Variants in ERC2 observed in about 807,000 individuals in gnomAD.
The protein encoded by ERC2 is ELKS/RAB6-interacting/CAST family member 2, also known as ERC protein 2.
Under a neutral mutation model 114.8 loss-of-function variants are expected in ERC2, and 42 were observed. That is an observed-to-expected ratio of 0.37 (90% CI 0.29 to 0.47). The LOEUF is 0.47. Among genes scored for constraint, ERC2 ranks in the 20% least tolerant of loss-of-function variants. The pLI, the probability that ERC2 is intolerant of heterozygous loss-of-function variation, is 0.99. For missense variants in ERC2, 939 were observed against 1,150.7 expected (o/e 0.82, Z 2.66); for synonymous variants, 454 against 425.5 (o/e 1.07, Z -0.82).
chr3:56,385,597 T>C (rs1431622975), intron 2 of ERC2, among the ~76,000 whole-genome samples: 1 of 152,176 alleles, frequency 6.6e-6, no homozygotes, highest in Non-Finnish European at 1.5e-5. Context: ...GCACAATCAT[T>C]TATGTAATAT....
chr3:56,342,314 T>C (rs11130515), intron 2 of ERC2, among the ~76,000 whole-genome samples: 37,679 of 152,226 alleles, frequency 0.25, 5,006 homozygotes, highest in Admixed American at 0.29. Flanking sequence ...CAAAAACACG[T>C]AACACTTCAT....
At chr3:56,122,320 C>T (rs1489570065) in intron 6 of ERC2, among the ~76,000 whole-genome samples, 6 of 152,122 alleles carry the variant, frequency 3.9e-5, no homozygotes, top group Admixed American at 6.6e-5. Context: ...CCCACACTTA[C>T]ATACAGCATT....
chr3:55,666,058 C>T (rs1422666833), intron 17 of ERC2, among the ~76,000 whole-genome samples: 2 of 152,118 alleles, frequency 1.3e-5, no homozygotes, highest in African/African-American at 4.8e-5. Context: ...TCATGTAGAA[C>T]CTGTAAGGGG....
At chr3:56,466,487 C>T (rs2107599313) in intron 1 of ERC2, among the ~76,000 whole-genome samples, 1 of 152,246 alleles carries the variant, frequency 6.6e-6, no homozygotes. Flanking sequence ...CCTTCCACAC[C>T]CCTCCCTGCC....
intron 14 of ERC2, among the ~76,000 whole-genome samples, chr3:55,783,176 G>A (rs1324805620): frequency 6.6e-6 from 1 of 152,190 alleles, no homozygotes; most frequent in Non-Finnish European, 1.5e-5. Context: ...AATAATTTAG[G>A]TTTTTACAAA....
At chr3:55,776,289 G>C (rs1432546920) in intron 14 of ERC2, among the ~76,000 whole-genome samples, 1 of 152,044 alleles carries the variant, frequency 6.6e-6, no homozygotes, top group Non-Finnish European at 1.5e-5. Flanking sequence ...GCACACCATG[G>C]AGAGAAGATA....
chr3:55,748,574 T>C (rs2066456630), intron 14 of ERC2, among the ~76,000 whole-genome samples: 1 of 152,208 alleles, frequency 6.6e-6, no homozygotes, highest in Non-Finnish European at 1.5e-5. Flanking sequence ...ATTACCATCA[T>C]GAGCAAATGC....
At chr3:55,697,663 C>T (rs1317179084) in intron 16 of ERC2, among the ~76,000 whole-genome samples, 1 of 152,094 alleles carries the variant, frequency 6.6e-6, no homozygotes, top group Non-Finnish European at 1.5e-5. Flanking sequence ...ATGAGACAAG[C>T]TGGTTTGTTA....
intron 1 of ERC2, among the ~76,000 whole-genome samples, chr3:56,447,988 C>A (rs527653064): frequency 4.6e-5 from 7 of 152,236 alleles, no homozygotes; most frequent in African/African-American, 1.7e-4. Flanking sequence ...AGTGATCCAC[C>A]CGCCTCGGCC....
At chr3:55,860,708 A>G (rs1270109459) in intron 14 of ERC2, among the ~76,000 whole-genome samples, 1 of 152,128 alleles carries the variant, frequency 6.6e-6, no homozygotes, top group Non-Finnish European at 1.5e-5. Context: ...TTGAGTAGGA[A>G]TTGCTGATCA....
At chr3:55,917,508 T>C (rs1258396424) in intron 13 of ERC2, among the ~76,000 whole-genome samples, 1 of 152,170 alleles carries the variant, frequency 6.6e-6, no homozygotes. Context: ...ATAGGCTATA[T>C]GATTCCATTT....
intron 6 of ERC2, among the ~76,000 whole-genome samples, chr3:56,127,629 A>C (rs1484728658): frequency 6.6e-6 from 1 of 151,854 alleles, no homozygotes; most frequent in African/African-American, 2.4e-5. Flanking sequence ...AGGCTGAGGC[A>C]GGAGAATTGC....
intron 6 of ERC2, among the ~76,000 whole-genome samples, chr3:56,084,604 T>C (rs1403189053): frequency 6.6e-6 from 1 of 152,162 alleles, no homozygotes; most frequent in African/African-American, 2.4e-5. Context: ...AACTCAGGAA[T>C]GGAAAACCAA....
chr3:56,363,456 T>C (rs1040840787), intron 2 of ERC2, among the ~76,000 whole-genome samples: 4 of 152,194 alleles, frequency 2.6e-5, no homozygotes, highest in African/African-American at 7.2e-5. Context: ...AAATCCAATT[T>C]GTACAAACAA....
At chr3:55,797,972 A>C (rs942159492) in intron 14 of ERC2, among the ~76,000 whole-genome samples, 35 of 152,320 alleles carry the variant, frequency 2.3e-4, no homozygotes, top group African/African-American at 8.4e-4. Flanking sequence ...ACACAGGTGA[A>C]GAGAGAATGA....
chr3:55,634,941 G>C (rs1011412465), intron 17 of ERC2, among the ~76,000 whole-genome samples: 12 of 151,786 alleles, frequency 7.9e-5, no homozygotes, highest in Non-Finnish European at 1.5e-4. Context: ...GAGTATGGTG[G>C]CACGATCTCG....
intron 17 of ERC2, among the ~76,000 whole-genome samples, chr3:55,667,963 T>A (rs1373870567): frequency 2.0e-5 from 3 of 152,052 alleles, no homozygotes; most frequent in Non-Finnish European, 4.4e-5. Flanking sequence ...CTTAGCAGAG[T>A]CCCTGGCCTC....
At chr3:56,445,117 T>C (rs967994495) in intron 1 of ERC2, among the ~76,000 whole-genome samples, 4 of 152,212 alleles carry the variant, frequency 2.6e-5, no homozygotes, top group Non-Finnish European at 5.9e-5. Context: ...TCTGACAATG[T>C]CAGGCTCACC....
At chr3:55,564,241 A>C (rs2056221795) in intron 17 of ERC2, among the ~76,000 whole-genome samples, 1 of 152,210 alleles carries the variant, frequency 6.6e-6, no homozygotes, top group Admixed American at 6.5e-5. Context: ...ATTCTGCTGG[A>C]GAGGAAGGTG....
Sources: allele counts gnomAD v4.1 joint callset (sites outside exome capture counted in the v4.1 genomes callset), GRCh38; gene constraint gnomAD v4.1.1; transcripts MANE v1.5; gene names NCBI Gene and HGNC (gene_info 2026-07-23, HGNC 2026-07-21).